SYN3: variants seen among roughly 807,000 people sequenced by gnomAD.
SYN3 encodes synapsin-3.
Under a neutral mutation model 65.8 loss-of-function variants are expected in SYN3, and 35 were observed. The observed-to-expected ratio is 0.53, with a 90% CI of 0.41 to 0.70. The LOEUF is 0.70. Among genes scored for constraint, SYN3 ranks in the 30% least tolerant of loss-of-function variants. The pLI is 0.00. For missense variants in SYN3, 680 were observed against 749.0 expected (o/e 0.91, Z 1.08); for synonymous variants, 270 against 292.9 (o/e 0.92, Z 0.80).
intron 7 of SYN3, among the ~76,000 whole-genome samples, chr22:32,593,275 T>C (rs907735784): frequency 6.6e-5 from 10 of 151,408 alleles, no homozygotes; most frequent in African/African-American, 2.4e-4. Flanking sequence ...ATCCTTGGAG[T>C]GCACCCTCCT....
At chr22:32,851,019 G>C (rs1337167599) in intron 6 of SYN3, among the ~76,000 whole-genome samples, 1 of 152,168 alleles carries the variant, frequency 6.6e-6, no homozygotes, top group East Asian at 1.9e-4. Flanking sequence ...GTAATGTCCA[G>C]AGTCAGCCCT....
chr22:32,673,422 G>T (rs533371491), intron 6 of SYN3, among the ~76,000 whole-genome samples: 1 of 152,202 alleles, frequency 6.6e-6, no homozygotes, highest in Non-Finnish European at 1.5e-5. Flanking sequence ...TGGGCCGTTC[G>T]GTCATTGCTC....
intron 7 of SYN3, among the ~76,000 whole-genome samples, chr22:32,586,947 G>C (rs539694361): frequency 9.9e-5 from 15 of 152,256 alleles, no homozygotes; most frequent in Non-Finnish European, 1.6e-4. Flanking sequence ...GAATACGCCG[G>C]GAGCGGTGGC....
intron 6 of SYN3, among the ~76,000 whole-genome samples, chr22:32,659,693 G>GA (rs2060190631): frequency 6.6e-6 from 1 of 152,194 alleles, no homozygotes; most frequent in Admixed American, 6.5e-5. Flanking sequence ...CACTGGGTGT[G>GA]ACCCTGGACA....
At chr22:32,557,480 C>T (rs1375054672) in intron 7 of SYN3, among the ~76,000 whole-genome samples, 1 of 152,230 alleles carries the variant, frequency 6.6e-6, no homozygotes, top group Non-Finnish European at 1.5e-5. Context: ...CTGCTTTTTA[C>T]TGGGCATTAA....
chr22:32,693,501 G>A (rs1198372396), intron 6 of SYN3, among the ~76,000 whole-genome samples: 1 of 151,892 alleles, frequency 6.6e-6, no homozygotes, highest in Non-Finnish European at 1.5e-5. Context: ...CTAAAAACTG[G>A]GAAAAGTAAA....
Position 33,018,339 on chromosome 22 carries a change from G to A in SYN3, c.-162-11515C>T, listed in dbSNP as rs967146955. On this transcript the variant is annotated intron_variant, in intron 1 of 13. Transcript: ENST00000358763. ...AGGTGCGGATGAGAGGGATTCTGGT[G>A]AAAGCCTAGGAAAAGACAGGAAGGC... 3.3e-5 allele frequency among the ~76,000 whole-genome samples: 5 copies of A among 152,312 alleles called. No individual in the cohort carries two copies. The South Asian group carries it at 6.2e-4, about 19-fold the overall frequency.
At chr22:33,003,854 T>C (rs1336734213) in intron 2 of SYN3, among the ~76,000 whole-genome samples, 4 of 152,154 alleles carry the variant, frequency 2.6e-5, no homozygotes, top group Non-Finnish European at 5.9e-5. Flanking sequence ...CCAGGAGGCC[T>C]AGGAGGGAAG....
intron 6 of SYN3, among the ~76,000 whole-genome samples, chr22:32,731,156 G>A (rs2061265619): frequency 6.6e-6 from 1 of 152,164 alleles, no homozygotes; most frequent in Non-Finnish European, 1.5e-5. Context: ...CATACAGTAA[G>A]TGATCAATAA....
At chr22:32,744,802 G>A (rs571867347) in intron 6 of SYN3, among the ~76,000 whole-genome samples, 1 of 152,160 alleles carries the variant, frequency 6.6e-6, no homozygotes, top group African/African-American at 2.4e-5. Context: ...GATGGTGTGG[G>A]CGATTGCCCA....
intron 12 of SYN3, among the ~76,000 whole-genome samples, chr22:32,524,390 T>C (rs2057941016): frequency 6.6e-6 from 1 of 152,206 alleles, no homozygotes; most frequent in Admixed American, 6.5e-5. Flanking sequence ...AAGCCAGTGC[T>C]CATTAACCAT....
chr22:32,644,849 C>T (rs2059961475), intron 6 of SYN3, among the ~76,000 whole-genome samples: 1 of 152,144 alleles, frequency 6.6e-6, no homozygotes, highest in African/African-American at 2.4e-5. Flanking sequence ...CTTTTTCTGA[C>T]TGTTCCGGGA....
intron 4 of SYN3, among the ~76,000 whole-genome samples, chr22:32,925,914 A>C (rs2050457182): frequency 7.4e-6 from 1 of 135,096 alleles, no homozygotes. Flanking sequence ...ATCCAGGCTC[A>C]CTGCAGTGGC....
chr22:32,932,455 T>G (rs1452456002), intron 3 of SYN3, among the ~76,000 whole-genome samples: 1 of 152,148 alleles, frequency 6.6e-6, no homozygotes, highest in Admixed American at 6.5e-5. Context: ...TCTAGGTGGT[T>G]GTATCTTTAA....
intron 2 of SYN3, among the ~76,000 whole-genome samples, chr22:32,988,665 A>G (rs2052607403): frequency 6.6e-6 from 1 of 152,080 alleles, no homozygotes; most frequent in Admixed American, 6.6e-5. Flanking sequence ...AAAGCAGCCA[A>G]CTCAGTCTGA....
intron 3 of SYN3, among the ~76,000 whole-genome samples, chr22:32,979,124 G>C (rs9619320): frequency 0.054 from 8,055 of 150,530 alleles, 699 homozygotes; most frequent in African/African-American, 0.18. Context: ...TTGAACTCGG[G>C]AGACAGAGGT....
intron 9 of SYN3, among the ~76,000 whole-genome samples, 171 bp from the exon 10 acceptor site, chr22:32,534,066 G>A (rs918105449): frequency 6.6e-6 from 1 of 152,198 alleles, no homozygotes; most frequent in Non-Finnish European, 1.5e-5. Context: ...AAGACGGAGA[G>A]AGAGTTGGAG....
At chr22:32,578,360 C>A (rs2058885545) in intron 7 of SYN3, among the ~76,000 whole-genome samples, 1 of 152,122 alleles carries the variant, frequency 6.6e-6, no homozygotes, top group Admixed American at 6.5e-5. Flanking sequence ...GATCCTCCCA[C>A]CTCAGCCTCC....
chr22:32,754,308 C>T (rs1325769462), intron 6 of SYN3, among the ~76,000 whole-genome samples: 2 of 152,152 alleles, frequency 1.3e-5, no homozygotes, highest in Non-Finnish European at 2.9e-5. Flanking sequence ...CCTGCAACCA[C>T]GCCTGGCTAC....
Sources: allele counts gnomAD v4.1 joint callset (sites outside exome capture counted in the v4.1 genomes callset), GRCh38; gene constraint gnomAD v4.1.1; transcripts MANE v1.5; gene names NCBI Gene and HGNC (gene_info 2026-07-23, HGNC 2026-07-21).